Variants in HACD4 observed in about 807,000 individuals in gnomAD.
HACD4 encodes 3-hydroxyacyl-CoA dehydratase 4.
Under a neutral mutation model 33.3 loss-of-function variants are expected in HACD4, and 35 were observed. That is an observed-to-expected ratio of 1.05 (90% CI 0.80 to 1.39). The LOEUF (loss-of-function observed/expected upper bound fraction) is 1.39, where lower values mean the gene tolerates loss of function less well. Ranked by LOEUF, HACD4 falls within the 40% of genes most tolerant of loss-of-function variation. The pLI is 0.00. For synonymous variants in HACD4, 118 were observed against 98.0 expected (o/e 1.20, Z -1.21); for missense variants, 323 against 276.5 (o/e 1.17, Z -1.19).
intron 1 of HACD4, among the ~76,000 whole-genome samples, chr9:21,029,903 C>G (rs112086078): frequency 6.6e-6 from 1 of 152,154 alleles, no homozygotes; most frequent in African/African-American, 2.4e-5. Context: ...ACCTGCACAT[C>G]GCTAGCCTGG....
At chr9:21,012,703 T>C (rs1390614029) in intron 4 of HACD4, among the ~76,000 whole-genome samples, 1 of 152,214 alleles carries the variant, frequency 6.6e-6, no homozygotes, top group Admixed American at 6.5e-5. Context: ...CCAATCAAAG[T>C]GAAAAATGGT....
intron 3 of HACD4, 54 bp downstream of exon 3, chr9:21,026,542 A>G: frequency 1.4e-6 from 2 of 1,463,572 alleles, no homozygotes; most frequent in Non-Finnish European, 1.9e-6. Context: ...AGCTTTAAAG[A>G]GAAAAAATGT....
chr9:21,018,693 T>C (rs1817822722), intron 3 of HACD4, among the ~76,000 whole-genome samples: 1 of 152,172 alleles, frequency 6.6e-6, no homozygotes, highest in Non-Finnish European at 1.5e-5. Flanking sequence ...TCTTGTTTAG[T>C]ACAACTCAAA....
chr9:21,008,764 T>C (rs1842336833), intron 5 of HACD4, among the ~76,000 whole-genome samples: 1 of 152,056 alleles, frequency 6.6e-6, no homozygotes, highest in South Asian at 2.1e-4. Flanking sequence ...GTATAGATAT[T>C]TTTGGTAACA....
rs759211853 is a variant in HACD4, at chr9:21,031,542, G to T, written c.38+11C>A. 3.6e-5 allele frequency: 52 copies of T among 1,463,864 alleles called. No individual in the cohort carries two copies. Among genetic ancestry groups the T allele is most frequent in the Non-Finnish European group, 4.2e-5 (47 of 1,114,810 alleles). 90.7% of individuals were successfully genotyped at this position (1,463,864 alleles called of 1,614,324 possible). ...CGCCCCCTCCCCTCGGGATTCGGCCGAGCGCCCTACCTGGGCTGCAGCCAG... is the reference window on the plus strand; with the variant it reads ...CGCCCCCTCCCCTCGGGATTCGGCCTAGCGCCCTACCTGGGCTGCAGCCAG... On this transcript the variant is annotated intron_variant, in intron 1 of 6. Coordinates refer to ENST00000495827, the MANE Select transcript of HACD4 (RefSeq NM_001010915.5).
intron 2 of HACD4, 97 bp from the exon 3 acceptor site, chr9:21,026,820 C>G (rs919154716): frequency 3.2e-6 from 3 of 947,198 alleles, no homozygotes; most frequent in Non-Finnish European, 4.9e-6. Context: ...AGATTATTCA[C>G]TTCCTTTTTC....
At chr9:21,010,551 T>A (rs1842393617) in intron 5 of HACD4, among the ~76,000 whole-genome samples, 1 of 149,904 alleles carries the variant, frequency 6.7e-6, no homozygotes, top group African/African-American at 2.5e-5. Flanking sequence ...TAAGCCCTGT[T>A]AAGACAGCAG....
chr9:21,003,391 A>G lies in HACD4; in HGVS notation c.*3646T>C, dbSNP rs540363680. 3 of 152,162 alleles carry G rather than the reference A, an allele frequency of 2.0e-5. No homozygotes were observed. The South Asian group carries it at 6.2e-4, about 32-fold the overall frequency. 9.4% of individuals were successfully genotyped at this position (152,162 alleles called of 1,614,324 possible). A position where few individuals can be genotyped will look rare whatever the true frequency, so the allele number is the denominator to read the frequency against. Reference sequence around the variant, plus strand: ...AGTGTAAGGAGCCATCTTTATTTGGAGTGATTAAGATTAACTCACCTAAAA... The same window carrying G: ...AGTGTAAGGAGCCATCTTTATTTGGGGTGATTAAGATTAACTCACCTAAAA... On this transcript the variant is annotated 3_prime_UTR_variant, in exon 7 of 7. Coordinates refer to ENST00000495827, the MANE Select transcript of HACD4 (RefSeq NM_001010915.5).
At chr9:21,007,936 ACC>A in intron 6 of HACD4, 83 bp downstream of exon 6, 1 of 1,261,388 alleles carries the variant, frequency 7.9e-7, no homozygotes, top group Non-Finnish European at 1.1e-6. Flanking sequence ...TCCCATGTTT[ACC>A]AACCTGTATA....
chr9:21,015,831 T>C (rs1842541969), intron 4 of HACD4, 67 bp downstream of exon 4: 14 of 895,760 alleles, frequency 1.6e-5, no homozygotes, highest in Non-Finnish European at 2.4e-5. Context: ...CTCTGGTTAC[T>C]GCTAGTACTG....
At chr9:21,016,888 A>C (rs190839409) in intron 3 of HACD4, among the ~76,000 whole-genome samples, 1 of 152,190 alleles carries the variant, frequency 6.6e-6, no homozygotes, top group Non-Finnish European at 1.5e-5. Flanking sequence ...TTTACAAATC[A>C]TTGAGACTTC....
rs1227339200 is a variant in HACD4, at chr9:21,007,125, A to G, written c.617-6T>C. On this transcript the variant is annotated splice_region_variant and splice_polypyrimidine_tract_variant and intron_variant, in intron 6 of 6. Transcript: ENST00000495827. Reference sequence around the variant, plus strand: ...ACTGTAGGTAAAATACATACCTAATATGGAGAAAGAAGTTGCAAAAGTAAG... The same window carrying G: ...ACTGTAGGTAAAATACATACCTAATGTGGAGAAAGAAGTTGCAAAAGTAAG... 1 of 1,408,698 alleles carries G rather than the reference A, an allele frequency of 7.1e-7. No individual in the cohort carries two copies. Among genetic ancestry groups the G allele is most frequent in the Non-Finnish European group, 1.0e-6 (1 of 993,582 alleles). 87.3% of individuals were successfully genotyped at this position (1,408,698 alleles called of 1,614,324 possible).
At chr9:21,015,326 G>GT (rs1842530999) in intron 4 of HACD4, 1 of 152,166 alleles carries the variant, frequency 6.6e-6, no homozygotes, top group African/African-American at 2.4e-5. Context: ...AGAGTGAGGC[G>GT]TAAGCACTCA....
intron 3 of HACD4, 29 bp from the exon 4 acceptor site, chr9:21,016,039 T>G: frequency 6.8e-7 from 1 of 1,472,026 alleles, no homozygotes; most frequent in Non-Finnish European, 9.5e-7. Flanking sequence ...AGTCAGAAAT[T>G]AGGACATCTA....
At chr9:21,011,490 T>C (rs1842434195) in intron 5 of HACD4, 99 bp downstream of exon 5, 1 of 740,528 alleles carries the variant, frequency 1.4e-6, no homozygotes, top group African/African-American at 1.8e-5. Context: ...GAGCTAAGCA[T>C]TCGCAAAAAT....
At chr9:21,020,438 A>C (rs190967394) in intron 3 of HACD4, among the ~76,000 whole-genome samples, 10 of 152,288 alleles carry the variant, frequency 6.6e-5, no homozygotes, top group African/African-American at 2.4e-4. Context: ...GCATGAATAA[A>C]AATCTCCTCC....
intron 5 of HACD4, among the ~76,000 whole-genome samples, chr9:21,010,265 A>G (rs998354612): frequency 2.0e-5 from 3 of 152,202 alleles, no homozygotes; most frequent in Non-Finnish European, 4.4e-5. Context: ...AGAAGAAAGC[A>G]TATATTCTCC....
chr9:21,021,025 C>A (rs1352135421), intron 3 of HACD4, among the ~76,000 whole-genome samples: 2 of 152,166 alleles, frequency 1.3e-5, no homozygotes, highest in East Asian at 3.9e-4. Flanking sequence ...AAAAGCTTAT[C>A]CACCACGATC....
intron 3 of HACD4, among the ~76,000 whole-genome samples, chr9:21,016,896 T>C (rs1161530939): frequency 1.3e-5 from 2 of 152,050 alleles, no homozygotes; most frequent in African/African-American, 4.8e-5. Context: ...TCATTGAGAC[T>C]TCACACATTT....
Sources: gnomAD v4.1 joint callset for allele counts (sites outside exome capture counted in the v4.1 genomes callset) on GRCh38, gnomAD v4.1.1 for gene constraint, MANE v1.5 for transcripts, NCBI Gene and HGNC (gene_info 2026-07-23, HGNC 2026-07-21) for gene names.